The following KLHDC7B variants were observed in gnomAD, a reference collection of about 807,000 sequenced individuals.
KLHDC7B encodes kelch domain-containing protein 7B.
In KLHDC7B, 1 loss-of-function variant was observed where a neutral mutation model predicts 0.6. That is an observed-to-expected ratio of 1.71 (90% CI 0.61 to 8.11). The LOEUF is 8.11. KLHDC7B is among the 30% of genes most tolerant of loss of function. The probability of loss-of-function intolerance (pLI) is 0.13; values close to 1 mark genes in which losing one functional copy is unlikely to be tolerated. For missense variants in KLHDC7B, 993 were observed against 894.9 expected, an observed-to-expected ratio of 1.11 and a Z score of -1.40; for synonymous variants, 462 against 405.2, an observed-to-expected ratio of 1.14 and a Z score of -1.68.
In KLHDC7B at chr22:50,546,892, G is replaced by T. The variant is rs1337080181; in HGVS notation, c.649G>T (p.Gly217Cys). The change falls in exon 1 of 1, where the codon GGC becomes TGC. Residue 217 changes from glycine (G) to cysteine (C), a missense_variant. Transcript: ENST00000648057. Reference sequence around the variant, plus strand: ...ACAGGACACTGGCCCCTGGCAGGCGGGCGCGGGGCCCTCGGGCTCGATGGG... The same window carrying T: ...ACAGGACACTGGCCCCTGGCAGGCGTGCGCGGGGCCCTCGGGCTCGATGGG... ...GQQDTGPWQA[G>C]AGPSGSMGRG... 6.6e-6 allele frequency among the ~76,000 whole-genome samples: 1 copy of T among 151,994 alleles called. No individual in the cohort carries two copies. Among genetic ancestry groups the T allele is most frequent in the Non-Finnish European group, 1.5e-5 (1 of 67,928 alleles).
chr22:50,549,457 C>T lies in KLHDC7B; in HGVS notation c.3214C>T (p.Arg1072Cys), dbSNP rs767015034. 14 of 1,612,606 alleles carry T rather than the reference C, an allele frequency of 8.7e-6. No homozygotes were observed. The highest frequency in any genetic ancestry group is 3.3e-5 in the South Asian group (3 of 91,078). The change falls in exon 1 of 1, where the codon CGC becomes TGC. Residue 1072 changes from arginine to cysteine, a missense_variant. Transcript: ENST00000648057. ...YDPRTDAWTP[R>C]APLPAGTFPV... is the part of the protein sequence containing the mutation. ...CCCGCGAACAGACGCCTGGACCCCA[C>T]GCGCGCCACTCCCCGCAGGCACCTT...
rs1042181047 is a variant in KLHDC7B, at chr22:50,547,452, C to T, written c.1209C>T (p.Ala403=). The stretch of plus-strand genomic sequence containing the variant: ...CGGAGCAAGCAAAGCCGGCTGCAGC[C>T]GGCCACAGCCGCGCGCCCTCCCGGA... ...RPPEQAKPAA[A]GHSRAPSRSR... Residue 403 remains alanine (A), a synonymous_variant, in exon 1 of 1, where the codon GCC becomes GCT. Coordinates refer to ENST00000648057, the MANE Select transcript of KLHDC7B (RefSeq NM_138433.5). 5.3e-6 allele frequency: 2 copies of T among 376,226 alleles called. No individual in the cohort carries two copies. The highest frequency in any genetic ancestry group is 2.1e-5 in the African/African-American group (1 of 47,306). The allele number at this position is 376,226 out of a possible 1,614,324, so 23.3% of individuals were successfully genotyped here.
In KLHDC7B at chr22:50,547,759, C is replaced by T; in HGVS notation, c.1516C>T (p.Pro506Ser). 1 of 507,464 alleles carries T rather than the reference C, an allele frequency of 2.0e-6. No individual in the cohort carries two copies. Among genetic ancestry groups the T allele is most frequent in the Non-Finnish European group, 3.5e-6 (1 of 287,962 alleles). 31.4% of individuals were successfully genotyped at this position (507,464 alleles called of 1,614,324 possible). Residue 506 changes from proline (P) to serine (S), a missense_variant, in exon 1 of 1, where the codon CCA becomes TCA. Physicochemically the swap from Pro to Ser is moderately conservative, Grantham distance 74. Transcript: ENST00000648057. ...TTSTSSPTSA[P>S]APAPTSAPTS... is the part of the protein sequence containing the mutation. ...CTCAACCTCATCCCCCACCTCAGCC[C>T]CAGCCCCAGCTCCAACCTCAGCTCC...
At position 50,548,112 on chromosome 22, in the gene KLHDC7B, C is replaced by T; in HGVS notation, c.1869C>T (p.Leu623=). Residue 623 remains leucine (L), a synonymous_variant, in exon 1 of 1, where the codon CTC becomes CTT. Coordinates refer to ENST00000648057, the MANE Select transcript of KLHDC7B (RefSeq NM_138433.5). The surrounding 1 kb of genome is among the most constrained non-coding windows in gnomAD (Gnocchi z 5.3). Reference sequence around the variant, plus strand: ...CAAAGCCTCAGGAGAGTGTGGCTCTCCCCAGGCGCTACCAGGAGGGGCAGG... The same window carrying T: ...CAAAGCCTCAGGAGAGTGTGGCTCTTCCCAGGCGCTACCAGGAGGGGCAGG... ...DGSKPQESVA[L]PRRYQEGQVS... The T allele has an allele frequency of 7.0e-7, 1 of 1,437,186 alleles. No individual in the cohort carries two copies. The highest frequency in any genetic ancestry group is 9.2e-7 in the Non-Finnish European group (1 of 1,092,024). 89.0% of individuals were successfully genotyped at this position (1,437,186 alleles called of 1,614,324 possible).
At position 50,548,461 on chromosome 22, in the gene KLHDC7B, G is replaced by A; in HGVS notation, c.2218G>A (p.Ala740Thr). 6.3e-7 allele frequency: 1 copy of A among 1,579,428 alleles called. No individual in the cohort carries two copies. Among genetic ancestry groups the A allele is most frequent in the Non-Finnish European group, 8.6e-7 (1 of 1,163,076 alleles). ...EKSLDPLPQA[A>T]MPRGPAQPPA... ...AAGTCTAGACCCGCTGCCCCAAGCC[G>A]CGATGCCCAGGGGCCCCGCACAGCC... The change falls in exon 1 of 1, where the codon GCG becomes ACG. Residue 740 changes from alanine (A) to threonine (T), a missense_variant. Coordinates refer to ENST00000648057, the MANE Select transcript of KLHDC7B (RefSeq NM_138433.5). This position sits in a 1 kb window ranked among gnomAD's most constrained non-coding sequence, Gnocchi z 5.3.
In KLHDC7B at chr22:50,548,379, C is replaced by T. The variant is rs766899118; in HGVS notation, c.2136C>T (p.Asn712=). Residue 712 remains asparagine, a synonymous_variant, in exon 1 of 1, where the codon AAC becomes AAT. Transcript: ENST00000648057. This position sits in a 1 kb window ranked among gnomAD's most constrained non-coding sequence, Gnocchi z 5.3. ...CACAGCCAAGAAGCTCCGAGACCAA[C>T]GGATCGCCCAGCCCAGACCCTCCCC... The part of the protein sequence containing the change: ...GQPQPRSSET[N]GSPSPDPPPG... 1.3e-6 allele frequency: 2 copies of T among 1,552,490 alleles called. No individual in the cohort carries two copies. The highest frequency in any genetic ancestry group is 8.7e-7 in the Non-Finnish European group (1 of 1,147,824).
Position 50,548,128 on chromosome 22 carries a change from G to A in KLHDC7B, c.1885G>A (p.Glu629Lys). 2.1e-6 allele frequency: 3 copies of A among 1,463,076 alleles called. No homozygotes were observed. The highest frequency in any genetic ancestry group is 2.7e-6 in the Non-Finnish European group (3 of 1,105,962). 90.6% of individuals were successfully genotyped at this position (1,463,076 alleles called of 1,614,324 possible). A position where few individuals can be genotyped will look rare whatever the true frequency, so the allele number is the denominator to read the frequency against. ...ESVALPRRYQ[E>K]GQVSASWGNL... ...TGTGGCTCTCCCCAGGCGCTACCAG[G>A]AGGGGCAGGTCTCAGCCAGCTGGGG... The change falls in exon 1 of 1, where the codon GAG becomes AAG. Residue 629 changes from glutamate (E) to lysine (K), a missense_variant. Coordinates refer to ENST00000648057, the MANE Select transcript of KLHDC7B (RefSeq NM_138433.5). The surrounding 1 kb of genome is among the most constrained non-coding windows in gnomAD (Gnocchi z 5.3).
At position 50,549,266 on chromosome 22, in the gene KLHDC7B, C is replaced by T; in HGVS notation, c.3023C>T (p.Ala1008Val). 1 of 1,611,248 alleles carries T rather than the reference C, an allele frequency of 6.2e-7. No homozygotes were observed. Among genetic ancestry groups the T allele is most frequent in the Non-Finnish European group, 8.5e-7 (1 of 1,179,964 alleles). Residue 1008 changes from alanine (A) to valine (V), a missense_variant, in exon 1 of 1, where the codon GCC (alanine) becomes GTC (valine). Transcript: ENST00000648057. ...GCGGGGGGCATCCGTGGCTCCGGTG[C>T]CAAGGCCGTCTGCTCCAACGAGGTC... ...FLAGGIRGSGAKAVCSNEVFC... is the reference protein window; with the variant it reads ...FLAGGIRGSGVKAVCSNEVFC...
chr22:50,548,664 C>T lies in KLHDC7B; in HGVS notation c.2421C>T (p.Ala807=), dbSNP rs778822107. 3 of 1,519,886 alleles carry T rather than the reference C, an allele frequency of 2.0e-6. No homozygotes were observed. The highest frequency in any genetic ancestry group is 2.5e-5 in the East Asian group (1 of 39,778). The allele number at this position is 1,519,886 out of a possible 1,614,324, so 94.1% of individuals were successfully genotyped here. ...GEAPGEGGSP[A]GRSGALTEKQ... ...CGCCGGGGGAGGGGGGCAGCCCTGC[C>T]GGCCGCAGCGGGGCGCTCACGGAAA... is the stretch of plus-strand genomic sequence containing the variant. The change falls in exon 1 of 1, where the codon GCC becomes GCT. Residue 807 remains alanine (A), a synonymous_variant. Coordinates refer to ENST00000648057, the MANE Select transcript of KLHDC7B (RefSeq NM_138433.5). The surrounding 1 kb of genome is among the most constrained non-coding windows in gnomAD (Gnocchi z 5.3).
In KLHDC7B at chr22:50,548,809, C is replaced by T. The variant is rs773876397; in HGVS notation, c.2566C>T (p.Arg856Trp). The T allele has an allele frequency of 1.4e-6, 2 of 1,480,604 alleles. No homozygotes were observed. Among genetic ancestry groups the T allele is most frequent in the Admixed American group, 2.5e-5 (1 of 40,752 alleles). 91.7% of individuals were successfully genotyped at this position (1,480,604 alleles called of 1,614,324 possible). A position where few individuals can be genotyped will look rare whatever the true frequency, so the allele number is the denominator to read the frequency against. ...GGAGCCCGCCACGGCGGCAGCCCTGCGGCGGCGGCTGGACCTGGGCAGTTG... is the reference window on the plus strand; with the variant it reads ...GGAGCCCGCCACGGCGGCAGCCCTGTGGCGGCGGCTGGACCTGGGCAGTTG... ...ALEPATAAALRRRLDLGSCLD... is the reference protein window; with the variant it reads ...ALEPATAAALWRRLDLGSCLD... Residue 856 changes from arginine (R) to tryptophan (W), a missense_variant, in exon 1 of 1, where the codon CGG (arginine) becomes TGG (tryptophan). Coordinates refer to ENST00000648057, the MANE Select transcript of KLHDC7B (RefSeq NM_138433.5). This position sits in a 1 kb window ranked among gnomAD's most constrained non-coding sequence, Gnocchi z 5.3.
rs1326983364 is a variant in KLHDC7B, at chr22:50,547,521, C to G, written c.1278C>G (p.Pro426=). The part of the protein sequence containing the change: ...RPRSASPPAA[P]GPGFPPEALT... ...GCTCCGCCTCCCCGCCCGCAGCTCC[C>G]GGCCCGGGGTTCCCACCTGAAGCCC... is the stretch of plus-strand genomic sequence containing the variant. Residue 426 remains proline, a synonymous_variant, in exon 1 of 1, where the codon CCC becomes CCG. Coordinates refer to ENST00000648057, the MANE Select transcript of KLHDC7B (RefSeq NM_138433.5). 1.0e-5 allele frequency: 4 copies of G among 397,960 alleles called. No individual in the cohort carries two copies. The highest frequency in any genetic ancestry group is 1.8e-5 in the Non-Finnish European group (4 of 225,744). The allele number at this position is 397,960 out of a possible 1,614,324, so 24.7% of individuals were successfully genotyped here.
chr22:50,548,404 C>G lies in KLHDC7B; in HGVS notation c.2161C>G (p.Pro721Ala). The change falls in exon 1 of 1, where the codon CCA becomes GCA. Residue 721 changes from proline (P) to alanine (A), a missense_variant. Coordinates refer to ENST00000648057, the MANE Select transcript of KLHDC7B (RefSeq NM_138433.5). This position sits in a 1 kb window ranked among gnomAD's most constrained non-coding sequence, Gnocchi z 5.3. ...TNGSPSPDPP[P>A]GLRGEGTREK... ...CGGATCGCCCAGCCCAGACCCTCCCCCAGGCCTAAGAGGAGAGGGAACCAG... is the reference window on the plus strand; with the variant it reads ...CGGATCGCCCAGCCCAGACCCTCCCGCAGGCCTAAGAGGAGAGGGAACCAG... 2 of 1,559,096 alleles carry G rather than the reference C, an allele frequency of 1.3e-6. No homozygotes were observed. The highest frequency in any genetic ancestry group is 1.2e-5 in the South Asian group (1 of 84,820).
chr22:50,548,708 A>G lies in KLHDC7B; in HGVS notation c.2465A>G (p.Lys822Arg), dbSNP rs2069763980. The change falls in exon 1 of 1, where the codon AAG (lysine) becomes AGG (arginine). Residue 822 changes from lysine (K) to arginine (R), a missense_variant. Transcript: ENST00000648057. The surrounding 1 kb of genome is among the most constrained non-coding windows in gnomAD (Gnocchi z 5.3). ...ALTEKQEEAR[K>R]LMVFLQRPGG... Reference sequence around the variant, plus strand: ...ACGGAAAAGCAGGAGGAGGCCCGGAAGCTCATGGTGTTTCTGCAGAGGCCC... The same window carrying G: ...ACGGAAAAGCAGGAGGAGGCCCGGAGGCTCATGGTGTTTCTGCAGAGGCCC... The G allele has an allele frequency of 6.6e-7, 1 of 1,513,342 alleles. No individual in the cohort carries two copies. Among genetic ancestry groups the G allele is most frequent in the Non-Finnish European group, 8.8e-7 (1 of 1,131,448 alleles). The allele number at this position is 1,513,342 out of a possible 1,614,324, so 93.7% of individuals were successfully genotyped here.
Position 50,546,333 on chromosome 22 carries a change from C to A in KLHDC7B, c.90C>A (p.Leu30=), listed in dbSNP as rs1320639651. The A allele has an allele frequency of 2.5e-5, 10 of 399,266 alleles. No homozygotes were observed. Among genetic ancestry groups the A allele is most frequent in the South Asian group, 1.3e-4 (1 of 7,828 alleles). 24.7% of individuals were successfully genotyped at this position (399,266 alleles called of 1,614,324 possible). ...DNDWDSAVLA[L]LALAVVAATA... is the part of the protein sequence containing the mutation. Reference sequence around the variant, plus strand: ...ACTGGGATAGTGCTGTGCTGGCCCTCCTGGCGCTGGCTGTGGTGGCTGCCA... The same window carrying A: ...ACTGGGATAGTGCTGTGCTGGCCCTACTGGCGCTGGCTGTGGTGGCTGCCA... The change falls in exon 1 of 1, where the codon CTC becomes CTA. Residue 30 remains leucine, a synonymous_variant. Transcript: ENST00000648057.
In KLHDC7B at chr22:50,548,142, A is replaced by C. The variant is rs2069754955; in HGVS notation, c.1899A>C (p.Ser633=). 1 of 1,476,550 alleles carries C rather than the reference A, an allele frequency of 6.8e-7. No homozygotes were observed. 91.5% of individuals were successfully genotyped at this position (1,476,550 alleles called of 1,614,324 possible). The part of the protein sequence containing the change: ...LPRRYQEGQV[S]ASWGNLIAMV... ...GGCGCTACCAGGAGGGGCAGGTCTC[A>C]GCCAGCTGGGGAAACCTTATTGCCA... The change falls in exon 1 of 1, where the codon TCA becomes TCC. Residue 633 remains serine (S), a synonymous_variant. Transcript: ENST00000648057. This position sits in a 1 kb window ranked among gnomAD's most constrained non-coding sequence, Gnocchi z 5.3.
Position 50,549,349 on chromosome 22 carries a change from C to A in KLHDC7B, c.3106C>A (p.Arg1036=), listed in dbSNP as rs767923639. Reference sequence around the variant, plus strand: ...CCAGGTTCGGCCCATGCAGCAGGCCCGAGCCCAGCTCAAGCTGGTGGCCCT... The same window carrying A: ...CCAGGTTCGGCCCATGCAGCAGGCCAGAGCCCAGCTCAAGCTGGTGGCCCT... ...WSQVRPMQQA[R]AQLKLVALDG... Residue 1036 remains arginine, a synonymous_variant, in exon 1 of 1, where the codon CGA becomes AGA. Transcript: ENST00000648057. The A allele has an allele frequency of 6.8e-6, 11 of 1,612,754 alleles. No homozygotes were observed. In the African/African-American group the frequency reaches 1.5e-4, roughly 22 times the overall value.
In KLHDC7B at chr22:50,548,847, G is replaced by A; in HGVS notation, c.2604G>A (p.Leu868=). The change falls in exon 1 of 1, where the codon CTG becomes CTA. Residue 868 remains leucine, a synonymous_variant. Transcript: ENST00000648057. The surrounding 1 kb of genome is among the most constrained non-coding windows in gnomAD (Gnocchi z 5.3). ...ACCTGGGCAGTTGCCTGGACGTGCT[G>A]GCCTTTGCCCAGCAGCACGGAGAGC... is the stretch of plus-strand genomic sequence containing the variant. ...RLDLGSCLDV[L]AFAQQHGEPG... The A allele has an allele frequency of 6.4e-7, 1 of 1,550,686 alleles. No homozygotes were observed. The highest frequency in any genetic ancestry group is 8.7e-7 in the Non-Finnish European group (1 of 1,151,232).
Position 50,549,739 on chromosome 22 carries a change from C to A in KLHDC7B, c.3496C>A (p.Pro1166Thr). The A allele has an allele frequency of 6.3e-7, 1 of 1,587,744 alleles. No homozygotes were observed. Among genetic ancestry groups the A allele is most frequent in the Non-Finnish European group, 8.6e-7 (1 of 1,169,086 alleles). Residue 1166 changes from proline to threonine, a missense_variant, in exon 1 of 1, where the codon CCC becomes ACC. By Grantham distance (38) the Pro-to-Thr change is conservative (BLOSUM62 -1). Transcript: ENST00000648057. ...TGSWSRAASL[P>T]LPAPAPLHCT... ...CTCCTGGAGCAGGGCTGCCTCCCTGCCCCTGCCCGCCCCCGCCCCACTGCA... is the reference window on the plus strand; with the variant it reads ...CTCCTGGAGCAGGGCTGCCTCCCTGACCCTGCCCGCCCCCGCCCCACTGCA...
chr22:50,549,050 G>T lies in KLHDC7B; in HGVS notation c.2807G>T (p.Gly936Val). The T allele has an allele frequency of 6.3e-7, 1 of 1,596,524 alleles. No homozygotes were observed. ...GTACTGCCCAGCCTCTACCAGGGGG[G>T]CCGCTCAGGGCTCCCCAGGGGCCCT... ...VLVLPSLYQG[G>V]RSGLPRGPRG... The change falls in exon 1 of 1, where the codon GGC (glycine) becomes GTC (valine). Residue 936 changes from glycine (G) to valine (V), a missense_variant. Transcript: ENST00000648057.
Sources: gnomAD v4.1 joint callset for allele counts (sites outside exome capture counted in the v4.1 genomes callset) on GRCh38, gnomAD v4.1.1 for gene constraint, Gnocchi (gnomAD v3.1) non-coding constraint, MANE v1.5 for transcripts, NCBI Gene and HGNC (gene_info 2026-07-23, HGNC 2026-07-21) for gene names.